Variants in EPHA4 observed in about 807,000 individuals in gnomAD.
EPHA4 encodes EPH receptor A4, also known as ephrin type-A receptor 4.
In EPHA4, 19 loss-of-function variants were observed where a neutral mutation model predicts 108.3. The ratio of observed to expected loss-of-function variants is 0.18; its 90% CI spans 0.12 to 0.26. The LOEUF (loss-of-function observed/expected upper bound fraction) is 0.26. Among genes scored for constraint, EPHA4 ranks in the 10% least tolerant of loss-of-function variants. EPHA4 has a pLI of 1.00. For synonymous variants in EPHA4, 449 were observed against 455.5 expected, an observed-to-expected ratio of 0.99 and a Z score of 0.18; for missense variants, 917 against 1,254.0, an observed-to-expected ratio of 0.73 and a Z score of 4.06.
intron 15 of EPHA4, among the ~76,000 whole-genome samples, chr2:221,428,455 A>G (rs1689976105): frequency 2.6e-5 from 4 of 152,206 alleles, no homozygotes; most frequent in African/African-American, 9.6e-5. Context: ...TGTATCTAAT[A>G]CCTCAACTTG....
intron 4 of EPHA4, among the ~76,000 whole-genome samples, chr2:221,487,732 G>A (rs1377869381): frequency 2.6e-5 from 4 of 152,078 alleles, no homozygotes; most frequent in Admixed American, 2.0e-4. Flanking sequence ...ATGCTGAGGT[G>A]TATTTAAGGG....
Position 221,563,912 on chromosome 2 carries a change from A to G in EPHA4, c.642T>C (p.Phe214=). The change falls in exon 3 of 18, where the codon TTT becomes TTC. Residue 214 remains phenylalanine (F), a synonymous_variant. Transcript: ENST00000281821. ...TATCAGCCCCTGTGATGGTGTCAGG[A>G]AACTGGGCCAGATTGCGGACTGTGA... is the stretch of plus-strand genomic sequence containing the variant. ...CPLTVRNLAQ[F]PDTITGADTS... is the part of the protein sequence containing the mutation. The G allele has an allele frequency of 6.2e-7, 1 of 1,614,208 alleles. No individual in the cohort carries two copies. Among genetic ancestry groups the G allele is most frequent in the Non-Finnish European group, 8.5e-7 (1 of 1,180,040 alleles).
chr2:221,489,613 A>T (rs1459799195), intron 4 of EPHA4, among the ~76,000 whole-genome samples: 1 of 152,050 alleles, frequency 6.6e-6, no homozygotes, highest in African/African-American at 2.4e-5. Context: ...ATTTTTAAAA[A>T]TTTCCTTCTT....
At position 221,455,551 on chromosome 2, in the gene EPHA4, G is replaced by C; in HGVS notation, c.1711C>G (p.Arg571Gly). 1 of 1,613,132 alleles carries C rather than the reference G, an allele frequency of 6.2e-7. No individual in the cohort carries two copies. ...VILIAAFVIS[R>G]RRSKYSKAKQ... ...GTGAGTGGCTTCAGTGCTTACCTCC[G>C]GCTGATGACAAAAGCTGCAATGAGA... The change falls in exon 8 of 18, where the codon CGG becomes GGG. Residue 571 changes from arginine (R) to glycine (G), a missense_variant. Around this residue, in one of 3 missense-constraint regions of EPHA4, gnomAD observed 758 missense variants for 1,076.7 expected, o/e 0.70. Coordinates refer to ENST00000281821, the MANE Select transcript of EPHA4 (RefSeq NM_004438.5).
At chr2:221,481,427 G>A (rs1374609307) in intron 5 of EPHA4, among the ~76,000 whole-genome samples, 7 of 151,478 alleles carry the variant, frequency 4.6e-5, no homozygotes, top group Admixed American at 3.3e-4. Context: ...CAAGGTGGGC[G>A]GATCACGAGG....
chr2:221,460,716 C>A (rs956661943), intron 5 of EPHA4, among the ~76,000 whole-genome samples: 7 of 152,148 alleles, frequency 4.6e-5, no homozygotes, highest in Non-Finnish European at 8.8e-5. Context: ...TCCAAAACAG[C>A]CTTCAACTTT....
At chr2:221,426,410 A>C in intron 16 of EPHA4, 54 bp downstream of exon 16, 1 of 1,547,828 alleles carries the variant, frequency 6.5e-7, no homozygotes, top group Non-Finnish European at 8.7e-7. Flanking sequence ...GCAAAAAAAG[A>C]AAATACTATT....
chr2:221,469,329 A>G (rs949912407), intron 5 of EPHA4, among the ~76,000 whole-genome samples: 5 of 152,188 alleles, frequency 3.3e-5, no homozygotes, highest in Non-Finnish European at 7.3e-5. Flanking sequence ...CAAACACACA[A>G]ACAAATGAAA....
chr2:221,515,188 T>A (rs944126930), intron 3 of EPHA4, among the ~76,000 whole-genome samples: 1 of 152,152 alleles, frequency 6.6e-6, no homozygotes, highest in Non-Finnish European at 1.5e-5. Flanking sequence ...CTCTGCCTCC[T>A]GGGTTCAAGC....
intron 13 of EPHA4, among the ~76,000 whole-genome samples, chr2:221,435,083 C>T (rs1690188998): frequency 6.6e-6 from 1 of 152,028 alleles, no homozygotes; most frequent in Non-Finnish European, 1.5e-5. Context: ...AATTCAGACC[C>T]CTGAGGTATC....
intron 3 of EPHA4, among the ~76,000 whole-genome samples, chr2:221,505,914 A>C (rs1048929934): frequency 6.6e-6 from 1 of 152,158 alleles, no homozygotes; most frequent in African/African-American, 2.4e-5. Context: ...TTAAAAACCT[A>C]ATTTGGGCTA....
At chr2:221,475,999 C>T (rs1348362287) in intron 5 of EPHA4, among the ~76,000 whole-genome samples, 1 of 152,100 alleles carries the variant, frequency 6.6e-6, no homozygotes, top group East Asian at 1.9e-4. Context: ...CAGATGGATG[C>T]ACTTGAGGCC....
intron 16 of EPHA4, 149 bp downstream of exon 16, chr2:221,426,315 T>C (rs1689908680): frequency 4.7e-6 from 5 of 1,056,350 alleles, no homozygotes; most frequent in Non-Finnish European, 6.7e-6. Flanking sequence ...AGATACTTTA[T>C]AGAGGCTGTG....
intron 9 of EPHA4, among the ~76,000 whole-genome samples, 198 bp from the exon 10 acceptor site, chr2:221,443,804 G>A (rs1486147631): frequency 6.6e-6 from 1 of 152,198 alleles, no homozygotes; most frequent in Non-Finnish European, 1.5e-5. Context: ...AGAGGCTGCA[G>A]CTTTACTGAC....
intron 3 of EPHA4, among the ~76,000 whole-genome samples, chr2:221,514,631 G>A (rs960564298): frequency 6.6e-6 from 1 of 152,148 alleles, no homozygotes; most frequent in African/African-American, 2.4e-5. Flanking sequence ...TATCAGGTAG[G>A]TCAGTAAATC....
chr2:221,522,892 T>C lies in EPHA4; in HGVS notation c.824-21720A>G, dbSNP rs1339408088. Among the ~76,000 whole-genome samples the C allele has an allele frequency of 2.6e-5, 4 of 151,958 alleles. No homozygotes were observed. The East Asian group carries it at 7.8e-4, about 30-fold the overall frequency. On this transcript the variant is annotated intron_variant, in intron 3 of 17. Transcript: ENST00000281821. ...AAGTGATTCTTTTGCCTCAGCCTCA[T>C]GAGTAGCTGGGATTACAGGTGCGTG...
intron 4 of EPHA4, among the ~76,000 whole-genome samples, chr2:221,488,906 A>G (rs1356528478): frequency 2.6e-5 from 4 of 152,192 alleles, no homozygotes; most frequent in Admixed American, 1.3e-4. Context: ...CTTTCCTCCC[A>G]TGGATTAGAC....
rs1442602258 is a variant in EPHA4, at chr2:221,482,455, A to T, written c.1215T>A (p.Ala405=). ...AGATTTCAAAGGTGTAATTGGTATG[A>T]GCTAGGAGGTCAGTGATGGAGACTT... ...TTKVSITDLL[A]HTNYTFEIWA... The change falls in exon 5 of 18, where the codon GCT becomes GCA. Residue 405 remains alanine (A), a synonymous_variant. Coordinates refer to ENST00000281821, the MANE Select transcript of EPHA4 (RefSeq NM_004438.5). 1.2e-6 allele frequency: 2 copies of T among 1,614,082 alleles called. No homozygotes were observed. The highest frequency in any genetic ancestry group is 3.3e-5 in the Admixed American group (2 of 60,024).
chr2:221,499,734 ATATATATATATATATATATATAT>A (rs1352996025), intron 4 of EPHA4, among the ~76,000 whole-genome samples: 3 of 47,186 alleles, frequency 6.4e-5, no homozygotes, highest in African/African-American at 2.4e-4. Context: ...ATATATATAT[ATATATATATATATATATATATAT>A]TTTTTTTTTT....
Sources: allele counts gnomAD v4.1 joint callset (sites outside exome capture counted in the v4.1 genomes callset), GRCh38; gene constraint gnomAD v4.1.1; regional missense constraint gnomAD v4.1.1; transcripts MANE v1.5; gene names NCBI Gene and HGNC (gene_info 2026-07-23, HGNC 2026-07-21).